Variants in GRAMD1B observed in about 807,000 individuals in gnomAD.
The protein encoded by GRAMD1B is GRAM domain containing 1B.
Under a neutral mutation model 99.7 loss-of-function variants are expected in GRAMD1B, and 37 were observed. That is an observed-to-expected ratio of 0.37 (90% CI 0.29 to 0.49). The LOEUF is 0.49. Among genes scored for constraint, GRAMD1B ranks in the 20% least tolerant of loss-of-function variants. The pLI is 0.98. For missense variants in GRAMD1B, 888 were observed against 1,009.2 expected, an observed-to-expected ratio of 0.88 and a Z score of 1.63; for synonymous variants, 427 against 387.6, an observed-to-expected ratio of 1.10 and a Z score of -1.19.
chr11:123,526,334 G>C (rs1313514537), intron 2 of GRAMD1B, among the ~76,000 whole-genome samples: 5 of 152,060 alleles, frequency 3.3e-5, no homozygotes, highest in Admixed American at 6.6e-5. Context: ...ACTCTCCCTG[G>C]CTCCCCCAGC....
chr11:123,605,792 T>G (rs1952634154), intron 10 of GRAMD1B, among the ~76,000 whole-genome samples: 1 of 152,230 alleles, frequency 6.6e-6, no homozygotes, highest in African/African-American at 2.4e-5. Flanking sequence ...CCAGGTATTT[T>G]TTCACTGCCT....
At chr11:123,579,278 G>A (rs1565404355) in intron 3 of GRAMD1B, among the ~76,000 whole-genome samples, 1 of 152,230 alleles carries the variant, frequency 6.6e-6, no homozygotes, top group Admixed American at 6.5e-5. Flanking sequence ...CGAAGAAGGG[G>A]AAGCCGAGGA....
chr11:123,622,134 C>G (rs1041040697), intron 19 of GRAMD1B, among the ~76,000 whole-genome samples: 3 of 152,094 alleles, frequency 2.0e-5, no homozygotes, highest in Admixed American at 6.5e-5. Context: ...CATCCTCCCA[C>G]CCCAGCCTCC....
intron 2 of GRAMD1B, among the ~76,000 whole-genome samples, chr11:123,497,164 C>G (rs1187076003): frequency 6.6e-6 from 1 of 152,180 alleles, no homozygotes; most frequent in Non-Finnish European, 1.5e-5. Context: ...TGGTTCTTGT[C>G]TACTCATGGA....
At chr11:123,537,462 G>C (rs3016477) in intron 2 of GRAMD1B, among the ~76,000 whole-genome samples, 141,805 of 152,336 alleles carry the variant, frequency 0.93, 66,023 homozygotes, top group East Asian at 1. Flanking sequence ...TCACAAACCT[G>C]AGGATGCAAA....
intron 1 of GRAMD1B, chr11:123,458,591 A>G (rs1283404332): frequency 6.6e-6 from 1 of 152,146 alleles, no homozygotes; most frequent in Non-Finnish European, 1.5e-5. Flanking sequence ...ACTAAAATCA[A>G]TCTGAGAAGA....
At chr11:123,606,548 C>A in intron 10 of GRAMD1B, 61 bp from the exon 11 acceptor site, 2 of 1,443,282 alleles carry the variant, frequency 1.4e-6, no homozygotes, top group Non-Finnish European at 1.9e-6. Flanking sequence ...CCTAATCTCC[C>A]TTTGGAGAAT....
At chr11:123,407,669 G>A (rs183290479) in intron 1 of GRAMD1B, among the ~76,000 whole-genome samples, 57 of 152,310 alleles carry the variant, frequency 3.7e-4, no homozygotes, top group Admixed American at 7.8e-4. Flanking sequence ...TTCAGAGCAT[G>A]AGGGGCCAAA....
intron 1 of GRAMD1B, among the ~76,000 whole-genome samples, chr11:123,382,639 C>T (rs1434308713): frequency 6.6e-6 from 1 of 152,082 alleles, no homozygotes; most frequent in East Asian, 1.9e-4. Context: ...TGTGAAAAAG[C>T]ATCCAGGAAT....
chr11:123,517,480 C>T (rs766017344), intron 2 of GRAMD1B, among the ~76,000 whole-genome samples: 17 of 152,156 alleles, frequency 1.1e-4, no homozygotes, highest in African/African-American at 2.7e-4. Flanking sequence ...TCATCCGCTC[C>T]GCATAGCAAC....
intron 1 of GRAMD1B, among the ~76,000 whole-genome samples, chr11:123,398,943 A>G (rs1012374446): frequency 6.6e-6 from 1 of 152,188 alleles, no homozygotes; most frequent in Non-Finnish European, 1.5e-5. Context: ...GTGATAAGGA[A>G]ACAACATAAT....
At chr11:123,449,945 ACTC>A (rs1227630963) in intron 1 of GRAMD1B, among the ~76,000 whole-genome samples, 2 of 150,318 alleles carry the variant, frequency 1.3e-5, no homozygotes, top group Non-Finnish European at 3.0e-5. Flanking sequence ...CTGGTCTTGA[ACTC>A]CTAGGCTCAA....
chr11:123,461,116 A>G (rs2134489396), intron 1 of GRAMD1B, among the ~76,000 whole-genome samples: 1 of 152,352 alleles, frequency 6.6e-6, no homozygotes. Context: ...TCTTAAAAAC[A>G]TATTGAGTCT....
At chr11:123,533,199 G>T (rs571096102) in intron 2 of GRAMD1B, among the ~76,000 whole-genome samples, 130 of 151,944 alleles carry the variant, frequency 8.6e-4, no homozygotes, top group African/African-American at 3.0e-3. Flanking sequence ...TCAAACTCCC[G>T]AACTCAGGTG....
intron 1 of GRAMD1B, among the ~76,000 whole-genome samples, chr11:123,372,399 A>C (rs1946558623): frequency 6.6e-6 from 1 of 152,208 alleles, no homozygotes. Flanking sequence ...GAAAATGGAA[A>C]TCACTCATCC....
At chr11:123,612,908 T>C in intron 15 of GRAMD1B, 44 bp downstream of exon 15, 1 of 1,092,348 alleles carries the variant, frequency 9.2e-7, no homozygotes, top group South Asian at 1.3e-5. Flanking sequence ...GCAGAGATGG[T>C]AAACTGCACT....
At chr11:123,485,679 AGT>A (rs1591674633) in intron 2 of GRAMD1B, among the ~76,000 whole-genome samples, 1 of 151,604 alleles carries the variant, frequency 6.6e-6, no homozygotes, top group African/African-American at 2.4e-5. Flanking sequence ...ACTTCCCCGA[AGT>A]GTGTGTGTAT....
At chr11:123,364,291 T>C (rs972425444) in intron 1 of GRAMD1B, among the ~76,000 whole-genome samples, 26 of 152,286 alleles carry the variant, frequency 1.7e-4, no homozygotes, top group African/African-American at 6.0e-4. Context: ...GGCTGATTTT[T>C]CCCTCTGAAA....
At chr11:123,547,331 C>T (rs1043161761) in intron 2 of GRAMD1B, among the ~76,000 whole-genome samples, 1 of 152,206 alleles carries the variant, frequency 6.6e-6, no homozygotes, top group Non-Finnish European at 1.5e-5. Context: ...TGTGCTCACT[C>T]CTCCTCTGGG....
Sources: allele counts gnomAD v4.1 joint callset (sites outside exome capture counted in the v4.1 genomes callset), GRCh38; gene constraint gnomAD v4.1.1; transcripts MANE v1.5; gene names NCBI Gene and HGNC (gene_info 2026-07-23, HGNC 2026-07-21).